ITSN1: variants seen among roughly 807,000 people sequenced by gnomAD.
The protein encoded by ITSN1 is intersectin-1.
ITSN1 carries 58 observed loss-of-function variants against 239.8 expected under a neutral mutation model. That is an observed-to-expected ratio of 0.24 (90% CI 0.20 to 0.30). ITSN1 has a LOEUF of 0.30. Among genes scored for constraint, ITSN1 ranks in the 10% least tolerant of loss-of-function variants. ITSN1 has a pLI of 1.00. For synonymous variants in ITSN1, 780 were observed against 770.8 expected, an observed-to-expected ratio of 1.01 and a Z score of -0.20; for missense variants, 1,558 against 2,103.3, an observed-to-expected ratio of 0.74 and a Z score of 5.07.
At chr21:33,658,515 C>T (rs1277270814) in intron 1 of ITSN1, among the ~76,000 whole-genome samples, 4 of 152,094 alleles carry the variant, frequency 2.6e-5, no homozygotes, top group East Asian at 1.9e-4. Context: ...ATTTGTGTAT[C>T]GAGACATATC....
At chr21:33,824,235 T>C (rs1602456793) in intron 25 of ITSN1, among the ~76,000 whole-genome samples, 1 of 152,192 alleles carries the variant, frequency 6.6e-6, no homozygotes, top group South Asian at 2.1e-4. Flanking sequence ...GCTCTCACTG[T>C]TGTTAAATAG....
At chr21:33,750,402 C>T (rs989848341) in intron 6 of ITSN1, 80 bp downstream of exon 6, 13 of 1,260,432 alleles carry the variant, frequency 1.0e-5, no homozygotes, top group Middle Eastern at 2.7e-4. Flanking sequence ...TTTCTCTTCA[C>T]GTTCTGATTA....
intron 1 of ITSN1, among the ~76,000 whole-genome samples, chr21:33,682,778 G>C (rs922306389): frequency 6.6e-6 from 1 of 151,570 alleles, no homozygotes; most frequent in Non-Finnish European, 1.5e-5. Flanking sequence ...CACCTCGGCT[G>C]CCCAAAGTGC....
At chr21:33,673,628 T>C (rs112941258) in intron 1 of ITSN1, among the ~76,000 whole-genome samples, 6 of 152,080 alleles carry the variant, frequency 3.9e-5, no homozygotes, top group African/African-American at 1.5e-4. Flanking sequence ...TTAGAGAAAC[T>C]GTGTCTTGTC....
chr21:33,879,864 G>A (rs1294209925), intron 34 of ITSN1, among the ~76,000 whole-genome samples: 4 of 152,194 alleles, frequency 2.6e-5, no homozygotes, highest in Non-Finnish European at 5.9e-5. Flanking sequence ...ATTTTTAGTA[G>A]AGACGGGGTT....
intron 1 of ITSN1, among the ~76,000 whole-genome samples, chr21:33,679,892 G>T (rs1241775379): frequency 6.6e-6 from 1 of 151,912 alleles, no homozygotes; most frequent in Non-Finnish European, 1.5e-5. Context: ...TAGAGACGAG[G>T]TTTCACCGTG....
intron 31 of ITSN1, among the ~76,000 whole-genome samples, chr21:33,859,767 G>A (rs1313018491): frequency 1.3e-5 from 2 of 152,168 alleles, no homozygotes; most frequent in African/African-American, 2.4e-5. Context: ...GTGGAGAGGT[G>A]GACATGAAGA....
chr21:33,883,619 A>G lies in ITSN1; in HGVS notation c.4624A>G (p.Ile1542Val). The G allele has an allele frequency of 6.2e-7, 1 of 1,613,744 alleles. No individual in the cohort carries two copies. Among genetic ancestry groups the G allele is most frequent in the Non-Finnish European group, 8.5e-7 (1 of 1,179,762 alleles). Reference sequence around the variant, plus strand: ...TTCTGGAGACGAGCCCATCTTCCACATCTCCCACATTGACCGCGTCTATAC... The same window carrying G: ...TTCTGGAGACGAGCCCATCTTCCACGTCTCCCACATTGACCGCGTCTATAC... ...DPSGDEPIFH[I>V]SHIDRVYTLR... is the part of the protein sequence containing the mutation. The change falls in exon 36 of 40, where the codon ATC (isoleucine) becomes GTC (valine). Residue 1542 changes from isoleucine to valine, a missense_variant. Coordinates refer to ENST00000381318, the MANE Select transcript of ITSN1 (RefSeq NM_003024.3).
intron 1 of ITSN1, among the ~76,000 whole-genome samples, chr21:33,659,875 AC>A (rs1267436934): frequency 6.6e-6 from 1 of 151,166 alleles, no homozygotes; most frequent in Non-Finnish European, 1.5e-5. Context: ...GTACACCACC[AC>A]ACCTGGCTAA....
At chr21:33,828,591 G>A (rs377593478) in intron 26 of ITSN1, among the ~76,000 whole-genome samples, 22 of 152,298 alleles carry the variant, frequency 1.4e-4, no homozygotes, top group South Asian at 4.1e-4. Context: ...ACCTTTTTGC[G>A]TTCTTCCTTT....
At chr21:33,794,550 A>G (rs2071388177) in intron 17 of ITSN1, 82 bp downstream of exon 17, 1 of 1,524,298 alleles carries the variant, frequency 6.6e-7, no homozygotes, top group East Asian at 2.3e-5. Flanking sequence ...CCAAGTAGTT[A>G]CTGCACCAGA....
chr21:33,836,175 A>G (rs1031306073), intron 28 of ITSN1, among the ~76,000 whole-genome samples: 1 of 152,236 alleles, frequency 6.6e-6, no homozygotes, highest in African/African-American at 2.4e-5. Flanking sequence ...TTAGCACTGT[A>G]CATTTTCTGC....
chr21:33,841,980 A>G (rs77220583), intron 29 of ITSN1, among the ~76,000 whole-genome samples: 16,956 of 146,794 alleles, frequency 0.12, 2,715 homozygotes, highest in African/African-American at 0.36. Context: ...AGGTTGGAGT[A>G]CAGTGGTGCA....
chr21:33,727,483 T>G (rs1175619710), intron 4 of ITSN1, among the ~76,000 whole-genome samples: 1 of 151,934 alleles, frequency 6.6e-6, no homozygotes, highest in Non-Finnish European at 1.5e-5. Context: ...AACTTTGTGA[T>G]CTGGTTCAGA....
At chr21:33,805,747 C>G (rs2072367106) in intron 20 of ITSN1, among the ~76,000 whole-genome samples, 1 of 151,666 alleles carries the variant, frequency 6.6e-6, no homozygotes, top group Admixed American at 6.6e-5. Context: ...TCTCGGTTCC[C>G]TGCAAGCTCC....
intron 4 of ITSN1, among the ~76,000 whole-genome samples, chr21:33,731,090 G>A (rs1416235441): frequency 5.3e-5 from 8 of 152,280 alleles, no homozygotes; most frequent in Middle Eastern, 3.4e-3. Flanking sequence ...TGAGTATCAC[G>A]ACATTTTCAA....
chr21:33,758,536 T>A (rs7275958), intron 8 of ITSN1, among the ~76,000 whole-genome samples: 5,909 of 130,900 alleles, frequency 0.045, 397 homozygotes, highest in African/African-American at 0.17. Context: ...TAAAAGAGAC[T>A]GCCTTATAAA....
intron 29 of ITSN1, among the ~76,000 whole-genome samples, chr21:33,838,806 T>G (rs1249876566): frequency 6.6e-6 from 1 of 152,308 alleles, no homozygotes. Flanking sequence ...GTCGACACAT[T>G]GAGGGTGTGT....
chr21:33,858,570 C>T, intron 30 of ITSN1, 116 bp from the exon 31 acceptor site: 2 of 619,662 alleles, frequency 3.2e-6, no homozygotes, highest in South Asian at 2.3e-5. Flanking sequence ...ACCTCTGGGC[C>T]TCTCAGCCAA....
Sources: allele counts gnomAD v4.1 joint callset (sites outside exome capture counted in the v4.1 genomes callset), GRCh38; gene constraint gnomAD v4.1.1; transcripts MANE v1.5; gene names NCBI Gene and HGNC (gene_info 2026-07-23, HGNC 2026-07-21).